KCND2: variants seen among roughly 807,000 people sequenced by gnomAD.
The protein encoded by KCND2 is potassium voltage-gated channel subfamily D member 2.
A neutral mutation model predicts 54.4 loss-of-function variants in KCND2; 16 were observed. The observed-to-expected ratio is 0.29, with a 90% CI of 0.20 to 0.45. The LOEUF is 0.45. Ranked by LOEUF, KCND2 falls within the 20% of genes least tolerant of loss-of-function variation. The probability of loss-of-function intolerance (pLI) is 1.00; values close to 1 mark genes in which losing one functional copy is unlikely to be tolerated. For missense variants in KCND2, 486 were observed against 824.2 expected (o/e 0.59, Z 5.02); for synonymous variants, 317 against 310.7 (o/e 1.02, Z -0.21).
Position 120,273,597 on chromosome 7 carries a change from C to G in KCND2, c.-1036C>G, listed in dbSNP as rs1799116329. 1 of 152,824 alleles carries G rather than the reference C, an allele frequency of 6.5e-6. No individual in the cohort carries two copies. The highest frequency in any genetic ancestry group is 1.5e-5 in the Non-Finnish European group (1 of 68,364). 9.5% of individuals were successfully genotyped at this position (152,824 alleles called of 1,614,324 possible). On this transcript the variant is annotated 5_prime_UTR_variant, in exon 1 of 6. Coordinates refer to ENST00000331113, the MANE Select transcript of KCND2 (RefSeq NM_012281.3). ...TGGAAGGTGAAAAGGAGGAGGGAGG[C>G]ACGGAGGGATGGGGGAAGGGAAAGA...
chr7:120,411,686 T>C (rs145342025), intron 1 of KCND2, among the ~76,000 whole-genome samples: 35 of 152,086 alleles, frequency 2.3e-4, no homozygotes, highest in African/African-American at 7.7e-4. Context: ...ACATAACAAC[T>C]AATATTTGTT....
intron 1 of KCND2, among the ~76,000 whole-genome samples, chr7:120,653,228 T>G (rs2116548304): frequency 6.6e-6 from 1 of 150,448 alleles, no homozygotes; most frequent in South Asian, 2.1e-4. Context: ...GTATTTTTGG[T>G]AGAGATGGGG....
At chr7:120,425,230 G>C (rs964366064) in intron 1 of KCND2, among the ~76,000 whole-genome samples, 6 of 152,010 alleles carry the variant, frequency 3.9e-5, no homozygotes, top group Non-Finnish European at 5.9e-5. Context: ...CTTCCATCTG[G>C]GTTACTAGAA....
At chr7:120,495,017 G>A (rs538125027) in intron 1 of KCND2, among the ~76,000 whole-genome samples, 16 of 152,276 alleles carry the variant, frequency 1.1e-4, no homozygotes, top group African/African-American at 3.6e-4. Flanking sequence ...GTTGCCACAA[G>A]TAGTTATTTA....
chr7:120,680,149 T>G (rs1215543904), intron 1 of KCND2, among the ~76,000 whole-genome samples: 3 of 152,132 alleles, frequency 2.0e-5, no homozygotes, highest in East Asian at 1.9e-4. Context: ...CCAGAAATTT[T>G]TATAGCCCAA....
chr7:120,618,558 T>TA (rs1793057888), intron 1 of KCND2, among the ~76,000 whole-genome samples: 1 of 152,218 alleles, frequency 6.6e-6, no homozygotes, highest in South Asian at 2.1e-4. Context: ...CTTTTTTTTT[T>TA]AAAGACAGCC....
intron 1 of KCND2, among the ~76,000 whole-genome samples, chr7:120,574,838 A>G (rs935678282): frequency 6.6e-6 from 1 of 152,130 alleles, no homozygotes; most frequent in Non-Finnish European, 1.5e-5. Flanking sequence ...ATCTTTGGGC[A>G]ATCTATGTAT....
intron 1 of KCND2, among the ~76,000 whole-genome samples, chr7:120,552,038 A>G (rs918047205): frequency 1.3e-5 from 2 of 152,212 alleles, no homozygotes; most frequent in African/African-American, 4.8e-5. Context: ...GGGAAATCAA[A>G]TGAATATATC....
At chr7:120,599,476 C>T (rs1792788138) in intron 1 of KCND2, among the ~76,000 whole-genome samples, 1 of 151,778 alleles carries the variant, frequency 6.6e-6, no homozygotes, top group Non-Finnish European at 1.5e-5. Context: ...GTATATTTCT[C>T]CATTTATTTA....
chr7:120,367,305 A>G (rs1476773837), intron 1 of KCND2, among the ~76,000 whole-genome samples: 1 of 152,108 alleles, frequency 6.6e-6, no homozygotes, highest in Non-Finnish European at 1.5e-5. Flanking sequence ...TGATCTATGT[A>G]TGAGGTTGTT....
Position 120,273,301 on chromosome 7 carries a change from A to G in KCND2, c.-1332A>G, listed in dbSNP as rs1799107162. ...ACCACCCACTGGCGGGGAAGCAGCT[A>G]GCAGCCCTCCCGCGCCCCCGCGCTG... On this transcript the variant is annotated 5_prime_UTR_variant, in exon 1 of 6. Coordinates refer to ENST00000331113, the MANE Select transcript of KCND2 (RefSeq NM_012281.3). Among the ~76,000 whole-genome samples, 1 of 151,198 alleles carries G rather than the reference A, an allele frequency of 6.6e-6. No homozygotes were observed. Among genetic ancestry groups the G allele is most frequent in the African/African-American group, 2.4e-5 (1 of 41,354 alleles).
At chr7:120,469,645 A>G (rs1802425530) in intron 1 of KCND2, among the ~76,000 whole-genome samples, 2 of 152,138 alleles carry the variant, frequency 1.3e-5, no homozygotes, top group Non-Finnish European at 2.9e-5. Flanking sequence ...GTTTAGTGGG[A>G]TATGACAGAG....
At chr7:120,745,741 G>T in intron 4 of KCND2, 39 bp from the exon 5 acceptor site, 1 of 1,611,476 alleles carries the variant, frequency 6.2e-7, no homozygotes, top group Non-Finnish European at 8.5e-7. Flanking sequence ...TTAAAAATGT[G>T]CTTCTCTGTT....
At chr7:120,286,426 TG>T (rs1285649272) in intron 1 of KCND2, among the ~76,000 whole-genome samples, 1 of 151,904 alleles carries the variant, frequency 6.6e-6, no homozygotes, top group East Asian at 1.9e-4. Context: ...TTTGGGGATG[TG>T]GGAGATAGGA....
At chr7:120,585,632 T>C (rs1341180893) in intron 1 of KCND2, among the ~76,000 whole-genome samples, 1 of 151,700 alleles carries the variant, frequency 6.6e-6, no homozygotes, top group East Asian at 1.9e-4. Flanking sequence ...GAGTAGGAAA[T>C]AAGTAGAGGG....
intron 1 of KCND2, among the ~76,000 whole-genome samples, chr7:120,284,209 T>G (rs1799305597): frequency 6.6e-6 from 1 of 152,092 alleles, no homozygotes; most frequent in Admixed American, 6.6e-5. Context: ...TAGATAACTC[T>G]GCATCTTACC....
chr7:120,697,370 G>A (rs1792344961), intron 1 of KCND2, among the ~76,000 whole-genome samples: 1 of 152,058 alleles, frequency 6.6e-6, no homozygotes, highest in South Asian at 2.1e-4. Flanking sequence ...ATTTATCTAG[G>A]TATGTGAAGA....
chr7:120,365,483 G>A (rs545955843), intron 1 of KCND2, among the ~76,000 whole-genome samples: 9 of 152,122 alleles, frequency 5.9e-5, no homozygotes, highest in Admixed American at 2.0e-4. Context: ...CAAGAGCTCC[G>A]TTTTCTCTTT....
At chr7:120,499,414 T>G (rs1802899141) in intron 1 of KCND2, among the ~76,000 whole-genome samples, 1 of 152,180 alleles carries the variant, frequency 6.6e-6, no homozygotes, top group Non-Finnish European at 1.5e-5. Flanking sequence ...TTTTTTCCTA[T>G]TTTCACCATC....
Sources: allele counts gnomAD v4.1 joint callset (sites outside exome capture counted in the v4.1 genomes callset), GRCh38; gene constraint gnomAD v4.1.1; transcripts MANE v1.5; gene names NCBI Gene and HGNC (gene_info 2026-07-23, HGNC 2026-07-21).